The following EXD3 variants were observed in gnomAD, a reference collection of about 807,000 sequenced individuals.
The protein encoded by EXD3 is exonuclease mut-7 homolog.
A neutral mutation model predicts 98.0 loss-of-function variants in EXD3; 92 were observed. The ratio of observed to expected loss-of-function variants is 0.94; its 90% CI spans 0.79 to 1.12. The LOEUF (loss-of-function observed/expected upper bound fraction) is 1.12. Among genes scored for constraint, EXD3 ranks in the 50% most tolerant of loss-of-function variants. The probability of loss-of-function intolerance (pLI) is 0.00; values close to 1 mark genes in which losing one functional copy is unlikely to be tolerated. For synonymous variants in EXD3, 569 were observed against 526.0 expected (o/e 1.08, Z -1.12); for missense variants, 1,222 against 1,191.6 (o/e 1.03, Z -0.38).
intron 17 of EXD3, among the ~76,000 whole-genome samples, chr9:137,334,393 C>T (rs948718336): frequency 6.6e-6 from 1 of 152,068 alleles, no homozygotes; most frequent in Non-Finnish European, 1.5e-5. Flanking sequence ...ATACATAGAC[C>T]AATGGGATGG....
intron 4 of EXD3, 121 bp downstream of exon 4, chr9:137,373,302 TCCC>T: frequency 8.0e-7 from 1 of 1,257,692 alleles, no homozygotes; most frequent in South Asian, 1.3e-5. Flanking sequence ...GCCCCCAGCA[TCCC>T]CCTCCCCTTC....
At chr9:137,390,201 T>A (rs1432470122) in intron 2 of EXD3, among the ~76,000 whole-genome samples, 3 of 126,436 alleles carry the variant, frequency 2.4e-5, no homozygotes, top group African/African-American at 9.5e-5. Flanking sequence ...GAGGCTGAGG[T>A]GGGCGGATCA....
chr9:137,373,661 TC>T, intron 3 of EXD3, 62 bp from the exon 4 acceptor site: 1 of 1,486,886 alleles, frequency 6.7e-7, no homozygotes, highest in Non-Finnish European at 9.0e-7. Context: ...TGGCAAGGCC[TC>T]CCCACCGCAG....
rs539328158 is a variant in EXD3, at chr9:137,385,643, C to T, written c.56-2266G>A. On this transcript the variant is annotated intron_variant, in intron 2 of 21. Coordinates refer to ENST00000340951, the MANE Select transcript of EXD3 (RefSeq NM_017820.5). The surrounding 1 kb of genome is among the most constrained non-coding windows in gnomAD (Gnocchi z 4.4). ...CTCCACCTCTCAGGTTCGTGATTCT[C>T]GTGCCTCAGCCTCCGGAGTAGCTGG... Among the ~76,000 whole-genome samples, 8 of 152,266 alleles carry T rather than the reference C, an allele frequency of 5.3e-5. No homozygotes were observed. Among genetic ancestry groups the T allele is most frequent in the South Asian group, 2.1e-4 (1 of 4,766 alleles).
Position 137,324,535 on chromosome 9 carries a change from T to C in EXD3, c.1999-392A>G, listed in dbSNP as rs1832282561. Among the ~76,000 whole-genome samples the C allele has an allele frequency of 6.6e-6, 1 of 152,010 alleles. No homozygotes were observed. The highest frequency in any genetic ancestry group is 1.5e-5 in the Non-Finnish European group (1 of 68,002). ...TAGGGAGCCAACTACACATCAAAAA[T>C]GAAGAAAACCCTGCAATGACGATGC... On this transcript the variant is annotated intron_variant, in intron 17 of 21. Coordinates refer to ENST00000340951, the MANE Select transcript of EXD3 (RefSeq NM_017820.5). The surrounding 1 kb of genome is among the most constrained non-coding windows in gnomAD (Gnocchi z 4.1).
At chr9:137,355,584 A>T (rs867074991) in intron 8 of EXD3, among the ~76,000 whole-genome samples, 6 of 45,840 alleles carry the variant, frequency 1.3e-4, no homozygotes, top group African/African-American at 2.9e-4. Flanking sequence ...GGAAGGAGGA[A>T]GGAGAAAGGG....
rs376408986 is a variant in EXD3 at position 137,348,062 on chromosome 9, C to A, written c.1998+9G>T. ...TGGGAGGACCCCAAGACCCTCCCCGCAAACTCACCTCGGCCGCCCTGCGGT... is the reference window on the plus strand; with the variant it reads ...TGGGAGGACCCCAAGACCCTCCCCGAAAACTCACCTCGGCCGCCCTGCGGT... On this transcript the variant is annotated intron_variant, in intron 17 of 21. Coordinates refer to ENST00000340951, the MANE Select transcript of EXD3 (RefSeq NM_017820.5). 1.3e-5 allele frequency: 21 copies of A among 1,608,394 alleles called. No homozygotes were observed. The highest frequency in any genetic ancestry group is 1.7e-5 in the Non-Finnish European group (20 of 1,178,868).
chr9:137,316,427 C>A (rs1831665599), intron 19 of EXD3, among the ~76,000 whole-genome samples: 1 of 152,078 alleles, frequency 6.6e-6, no homozygotes, highest in South Asian at 2.1e-4. Flanking sequence ...ACTCGGCCCC[C>A]CGCCCGCAGA....
intron 7 of EXD3, among the ~76,000 whole-genome samples, chr9:137,362,494 A>G (rs1835036554): frequency 6.6e-6 from 1 of 151,500 alleles, no homozygotes; most frequent in Non-Finnish European, 1.5e-5. Flanking sequence ...AAGCATAGAA[A>G]GGAACTTCCT....
rs938606545 is a variant in EXD3, at chr9:137,347,850, T to C, written c.1998+221A>G. Among the ~76,000 whole-genome samples the C allele has an allele frequency of 3.3e-5, 5 of 152,208 alleles. No individual in the cohort carries two copies. Among genetic ancestry groups the C allele is most frequent in the African/African-American group, 7.2e-5 (3 of 41,468 alleles). On this transcript the variant is annotated intron_variant, in intron 17 of 21. Coordinates refer to ENST00000340951, the MANE Select transcript of EXD3 (RefSeq NM_017820.5). This position sits in a 1 kb window ranked among gnomAD's most constrained non-coding sequence, Gnocchi z 4.2. ...TAATAGTGTCAATTACATCTGTAAA[T>C]TCCTTTTGTGGGACAATGAGGGCTG...
chr9:137,365,844 AAACG>A (rs977026628), intron 7 of EXD3: 42 of 356,586 alleles, frequency 1.2e-4, no homozygotes, highest in Middle Eastern at 1.0e-3. Flanking sequence ...ACACCTGCAC[AAACG>A]AACACAATGC....
At chr9:137,400,116 T>C (rs1837410299) in intron 1 of EXD3, among the ~76,000 whole-genome samples, 1 of 151,476 alleles carries the variant, frequency 6.6e-6, no homozygotes. Flanking sequence ...ACTTACTCAC[T>C]ATCAGAAGAA....
chr9:137,352,581 G>C, intron 11 of EXD3, 39 bp downstream of exon 11: 1 of 1,501,792 alleles, frequency 6.7e-7, no homozygotes, highest in Non-Finnish European at 8.9e-7. Flanking sequence ...ACCCTGGGCG[G>C]AACCCACCCC....
chr9:137,368,735 G>C (rs1835409468), intron 5 of EXD3, among the ~76,000 whole-genome samples: 1 of 152,214 alleles, frequency 6.6e-6, no homozygotes, highest in South Asian at 2.1e-4. Context: ...CGGTGCGCAG[G>C]GTGGGGGCGC....
At chr9:137,413,359 C>T (rs1838091454) in intron 1 of EXD3, among the ~76,000 whole-genome samples, 2 of 152,214 alleles carry the variant, frequency 1.3e-5, no homozygotes, top group Non-Finnish European at 2.9e-5. Context: ...TGCCACCACG[C>T]CCGGCTAATT....
rs142264841 is a variant in EXD3 at position 137,408,659 on chromosome 9, C to T, written c.-47-13255G>A. On this transcript the variant is annotated intron_variant, in intron 1 of 21. Transcript: ENST00000340951. ...CCAGGGACGTCCAGCACAGCTGAAC[C>T]GGCCCCTCAGACCAATGGTAACCCC... Among the ~76,000 whole-genome samples the T allele has an allele frequency of 2.6e-3, 395 of 152,156 alleles. 2 individuals carry two copies. The highest frequency in any genetic ancestry group is 9.3e-3 in the African/African-American group (387 of 41,498).
chr9:137,360,649 C>A lies in EXD3; in HGVS notation c.657-4281G>T, dbSNP rs1323697728. Among the ~76,000 whole-genome samples the A allele has an allele frequency of 3.6e-5, 3 of 83,410 alleles. 1 individual carries two copies. Among genetic ancestry groups the A allele is most frequent in the African/African-American group, 1.0e-4 (3 of 30,142 alleles). The allele number at this position is 83,410 out of a possible 152,430, so 54.7% of individuals were successfully genotyped here. ...CTAATTTTTGTATTTTTAGTAGAGA[C>A]GAGATTTCACCATGTTTGCTAGGCT... On this transcript the variant is annotated intron_variant, in intron 7 of 21. Coordinates refer to ENST00000340951, the MANE Select transcript of EXD3 (RefSeq NM_017820.5).
intron 8 of EXD3, among the ~76,000 whole-genome samples, chr9:137,355,683 G>GAAGGAGGAAGGAGGAAGGAGA (rs1834716586): frequency 9.8e-6 from 1 of 102,030 alleles, no homozygotes; most frequent in African/African-American, 3.5e-5. Flanking sequence ...GAGGATGGAG[G>GAAGGAGGAAGGAGGAAGGAGA]AAGGAGAAAG....
chr9:137,340,225 C>G (rs967063521), intron 17 of EXD3, among the ~76,000 whole-genome samples: 39 of 152,338 alleles, frequency 2.6e-4, no homozygotes, highest in African/African-American at 8.7e-4. Flanking sequence ...CGCCTGTAAT[C>G]TCAGCACTCT....
Sources: allele counts gnomAD v4.1 joint callset (sites outside exome capture counted in the v4.1 genomes callset), GRCh38; gene constraint gnomAD v4.1.1; non-coding constraint Gnocchi (gnomAD v3.1); transcripts MANE v1.5; gene names NCBI Gene and HGNC (gene_info 2026-07-23, HGNC 2026-07-21).